Variants in SCFD2 observed in about 807,000 individuals in gnomAD.
SCFD2 encodes the protein sec1 family domain containing 2.
SCFD2 carries 54 observed loss-of-function variants against 58.9 expected under a neutral mutation model. That is an observed-to-expected ratio of 0.92 (90% confidence interval 0.74 to 1.15). The LOEUF is 1.15. Ranked by LOEUF, SCFD2 falls within the 50% of genes most tolerant of loss-of-function variation. The pLI, the probability that SCFD2 is intolerant of heterozygous loss-of-function variation, is 0.00. For synonymous variants in SCFD2, 321 were observed against 335.9 expected, an observed-to-expected ratio of 0.96 and a Z score of 0.49; for missense variants, 805 against 836.6, an observed-to-expected ratio of 0.96 and a Z score of 0.47.
chr4:53,211,569 A>G (rs1236657898), intron 4 of SCFD2, among the ~76,000 whole-genome samples: 1 of 152,082 alleles, frequency 6.6e-6, no homozygotes, highest in Non-Finnish European at 1.5e-5. Flanking sequence ...GATGGGGGTC[A>G]GTCTTGGGGA....
chr4:53,224,430 C>T (rs1729141924), intron 4 of SCFD2, among the ~76,000 whole-genome samples: 3 of 152,032 alleles, frequency 2.0e-5, no homozygotes, highest in South Asian at 2.1e-4. Context: ...TGCCAGTTCC[C>T]GCAGAACAAT....
chr4:52,888,722 T>C (rs550531941), intron 7 of SCFD2, among the ~76,000 whole-genome samples: 1 of 152,226 alleles, frequency 6.6e-6, no homozygotes, highest in South Asian at 2.1e-4. Context: ...CCTTTCTTGG[T>C]CTGCCCATTT....
chr4:52,902,934 T>C (rs773863002), intron 7 of SCFD2, among the ~76,000 whole-genome samples: 8 of 152,182 alleles, frequency 5.3e-5, no homozygotes, highest in Non-Finnish European at 1.2e-4. Flanking sequence ...GTAGACGTCA[T>C]GAGGAAGGAA....
Position 53,159,980 on chromosome 4 carries a change from T to G in SCFD2, c.1312-14398A>C, listed in dbSNP as rs540203500. On this transcript the variant is annotated intron_variant, in intron 4 of 8. Transcript: ENST00000401642. Reference sequence around the variant, plus strand: ...AAAAGAATCAGATTCCAAAGTCCTCTAACAGGGTAGAAATGGTCTCCATGA... The same window carrying G: ...AAAAGAATCAGATTCCAAAGTCCTCGAACAGGGTAGAAATGGTCTCCATGA... 2.0e-5 allele frequency among the ~76,000 whole-genome samples: 3 copies of G among 152,338 alleles called. No homozygotes were observed. The East Asian group carries it at 5.8e-4, about 29-fold the overall frequency.
At chr4:53,121,738 T>C (rs1256432693) in intron 5 of SCFD2, among the ~76,000 whole-genome samples, 2 of 152,216 alleles carry the variant, frequency 1.3e-5, no homozygotes, top group Non-Finnish European at 2.9e-5. Context: ...ATCCATGTGA[T>C]CTTGACTCCC....
chr4:53,135,266 G>A (rs1242235322), intron 5 of SCFD2, among the ~76,000 whole-genome samples: 1 of 152,154 alleles, frequency 6.6e-6, no homozygotes, highest in Non-Finnish European at 1.5e-5. Context: ...ATAAAGACTG[G>A]AAATTGTTAA....
At chr4:53,030,407 C>T (rs1722587327) in intron 5 of SCFD2, among the ~76,000 whole-genome samples, 1 of 151,528 alleles carries the variant, frequency 6.6e-6, no homozygotes, top group African/African-American at 2.4e-5. Flanking sequence ...ATGGTACAGA[C>T]ACTTTGGAAA....
chr4:52,947,968 C>CAAA (rs34494471), intron 5 of SCFD2, among the ~76,000 whole-genome samples: 6 of 35,194 alleles, frequency 1.7e-4, no homozygotes, highest in Non-Finnish European at 2.9e-4. Context: ...AAAAATAGGC[C>CAAA]AAAAAAAAAA....
In SCFD2 at chr4:53,070,059, C is replaced by A. The variant is rs367855261; in HGVS notation, c.1561+75274G>T. ...TTCAATGTTGACATCTGGCTTTCTT[C>A]CAAAGAGAGAAACTTCTTACTAGTC... On this transcript the variant is annotated intron_variant, in intron 5 of 8. Transcript: ENST00000401642. 9.2e-5 allele frequency among the ~76,000 whole-genome samples: 14 copies of A among 151,930 alleles called. No homozygotes were observed. The South Asian group carries it at 1.9e-3, about 20-fold the overall frequency.
At chr4:53,100,014 T>C (rs1577726816) in intron 5 of SCFD2, among the ~76,000 whole-genome samples, 1 of 152,168 alleles carries the variant, frequency 6.6e-6, no homozygotes, top group African/African-American at 2.4e-5. Context: ...GTCTCATAAA[T>C]ACCAATAAAT....
chr4:53,151,668 T>C (rs910808324), intron 4 of SCFD2, among the ~76,000 whole-genome samples: 1 of 152,180 alleles, frequency 6.6e-6, no homozygotes, highest in African/African-American at 2.4e-5. Context: ...CTCCACATCA[T>C]GCTAAGCTTC....
Position 53,352,768 on chromosome 4 carries a change from T to C in SCFD2, c.839-2A>G, listed in dbSNP as rs1351821031. The C allele has an allele frequency of 1.2e-6, 2 of 1,611,356 alleles. No individual in the cohort carries two copies. The highest frequency in any genetic ancestry group is 2.2e-5 in the East Asian group (1 of 44,828). On this transcript the variant is annotated splice_acceptor_variant, in intron 1 of 8. Transcript: ENST00000401642. LOFTEE classifies it high-confidence loss of function. ...TGTCTCCATGATGTCCAACTGCTCCTGTTTAAGCAGACAAGATGATGTAAA... is the reference window on the plus strand; with the variant it reads ...TGTCTCCATGATGTCCAACTGCTCCCGTTTAAGCAGACAAGATGATGTAAA...
chr4:52,900,892 G>T (rs1719177960), intron 7 of SCFD2, among the ~76,000 whole-genome samples: 1 of 152,182 alleles, frequency 6.6e-6, no homozygotes, highest in Non-Finnish European at 1.5e-5. Context: ...ATCTCAGTCT[G>T]CTGTGCTAGC....
intron 4 of SCFD2, among the ~76,000 whole-genome samples, chr4:53,173,978 G>A (rs1727255003): frequency 6.6e-6 from 1 of 152,012 alleles, no homozygotes; most frequent in Non-Finnish European, 1.5e-5. Flanking sequence ...AATAAAAGAT[G>A]AAAGCAAAAT....
intron 4 of SCFD2, among the ~76,000 whole-genome samples, chr4:53,258,552 A>G (rs1260053577): frequency 0.062 from 2,183 of 35,162 alleles, 96 homozygotes; most frequent in African/African-American, 0.13. Flanking sequence ...ATATATATAT[A>G]TATATATATA....
chr4:52,883,137 A>G (rs1718658553), intron 8 of SCFD2, among the ~76,000 whole-genome samples: 1 of 152,198 alleles, frequency 6.6e-6, no homozygotes, highest in African/African-American at 2.4e-5. Flanking sequence ...ACTAGCACGC[A>G]TCCCACTTCG....
intron 5 of SCFD2, among the ~76,000 whole-genome samples, chr4:52,947,046 C>T (rs538076154): frequency 6.6e-6 from 1 of 152,276 alleles, no homozygotes; most frequent in South Asian, 2.1e-4. Context: ...AGGGACTCAG[C>T]TGTCAGAGCT....
chr4:52,912,908 A>C (rs907326253), intron 6 of SCFD2, among the ~76,000 whole-genome samples: 18 of 152,198 alleles, frequency 1.2e-4, no homozygotes, highest in East Asian at 9.6e-4. Context: ...GCCCTACTCA[A>C]AGATTCTCTC....
intron 5 of SCFD2, among the ~76,000 whole-genome samples, chr4:53,017,230 A>T (rs1357046491): frequency 6.6e-6 from 1 of 152,186 alleles, no homozygotes; most frequent in African/African-American, 2.4e-5. Context: ...TAAGGAGGAC[A>T]ATTATCCAGG....
Sources: gnomAD v4.1 joint callset for allele counts (sites outside exome capture counted in the v4.1 genomes callset) on GRCh38, gnomAD v4.1.1 for gene constraint, MANE v1.5 for transcripts, NCBI Gene and HGNC (gene_info 2026-07-23, HGNC 2026-07-21) for gene names.